The following ARFGAP2 variants were observed in gnomAD, a reference collection of about 807,000 sequenced individuals.
ARFGAP2 encodes the protein ADP-ribosylation factor GTPase-activating protein 2.
In ARFGAP2, 45 loss-of-function variants were observed where a neutral mutation model predicts 71.9. The observed-to-expected ratio is 0.63, with a 90% CI of 0.49 to 0.80. ARFGAP2 has a LOEUF of 0.80. Ranked by LOEUF, ARFGAP2 falls within the 30% of genes least tolerant of loss-of-function variation. The pLI, the probability that ARFGAP2 is intolerant of heterozygous loss-of-function variation, is 0.00. For synonymous variants in ARFGAP2, 248 were observed against 249.2 expected (o/e 1.00, Z 0.05); for missense variants, 633 against 673.9 (o/e 0.94, Z 0.67).
chr11:47,176,014 G>T, intron 2 of ARFGAP2, 91 bp from the exon 3 acceptor site: 2 of 1,311,030 alleles, frequency 1.5e-6, no homozygotes, highest in Non-Finnish European at 1.1e-6. Context: ...TCAGGCTGCT[G>T]TAGGCACCCA....
rs765982865 is a variant in ARFGAP2, at chr11:47,165,445, GC to G, written c.*36del. 6.4e-7 allele frequency: 1 copy of G among 1,567,778 alleles called. No individual in the cohort carries two copies. Among genetic ancestry groups the G allele is most frequent in the African/African-American group, 1.4e-5 (1 of 72,112 alleles). On this transcript the variant is annotated 3_prime_UTR_variant, in exon 16 of 16. Coordinates refer to ENST00000524782, the MANE Select transcript of ARFGAP2 (RefSeq NM_032389.6). ...GCCTGGGAACTGTGGAGTTCTTGTT[GC>G]CGTCACCATCGTAAGCCTGAGTCAC...
intron 10 of ARFGAP2, among the ~76,000 whole-genome samples, chr11:47,169,953 G>A (rs1952529350): frequency 6.6e-6 from 1 of 152,186 alleles, no homozygotes; most frequent in African/African-American, 2.4e-5. Flanking sequence ...ATTCCTATGT[G>A]ACTGAAGCAG....
At position 47,175,006 on chromosome 11, in the gene ARFGAP2, G is replaced by A. The variant is rs1206871420; in HGVS notation, c.480+9C>T. ...ACAACTGGGAAAACGGTTCCTTGTG[G>A]GCACTCACTTGAGTGTGTTCTGTGA... On this transcript the variant is annotated intron_variant, in intron 5 of 15. Coordinates refer to ENST00000524782, the MANE Select transcript of ARFGAP2 (RefSeq NM_032389.6). 2.5e-6 allele frequency: 4 copies of A among 1,613,946 alleles called. No individual in the cohort carries two copies. The highest frequency in any genetic ancestry group is 3.4e-6 in the Non-Finnish European group (4 of 1,179,892).
At chr11:47,176,317 C>G in intron 2 of ARFGAP2, 199 bp downstream of exon 2, 2 of 609,972 alleles carry the variant, frequency 3.3e-6, no homozygotes, top group Middle Eastern at 4.4e-4. Context: ...AAGTTTTGGC[C>G]CAGAGGCGGA....
intron 7 of ARFGAP2, chr11:47,172,579 C>G (rs896940595): frequency 5.1e-6 from 6 of 1,179,026 alleles, no homozygotes; most frequent in African/African-American, 1.5e-5. Context: ...GTCCGAAGCA[C>G]CAGAGACGTC....
intron 5 of ARFGAP2, 48 bp downstream of exon 5, chr11:47,174,967 A>AT (rs1302926805): frequency 1.3e-6 from 2 of 1,596,622 alleles, no homozygotes; most frequent in African/African-American, 2.7e-5. Flanking sequence ...GCCTTGGTAA[A>AT]TTGCCTGTCA....
intron 1 of ARFGAP2, 65 bp from the exon 2 acceptor site, chr11:47,176,699 C>G: frequency 6.2e-7 from 1 of 1,611,496 alleles, no homozygotes; most frequent in Non-Finnish European, 8.5e-7. Context: ...ACCGACACCC[C>G]AGAAACATAA....
Position 47,171,657 on chromosome 11 carries a change from CACTT to C in ARFGAP2, c.809+3_809+6del, listed in dbSNP as rs1172466231. The stretch of plus-strand genomic sequence containing the variant: ...AGAAGCCTGAGGCCCCGGCAGCAAA[CACTT>C]ACATGGACTCCTCCGCCTGCTTCTT... On this transcript the variant is annotated splice_donor_5th_base_variant and intron_variant, in intron 9 of 15. Coordinates refer to ENST00000524782, the MANE Select transcript of ARFGAP2 (RefSeq NM_032389.6). 1 of 1,613,730 alleles carries C rather than the reference CACTT, an allele frequency of 6.2e-7. No individual in the cohort carries two copies. The highest frequency in any genetic ancestry group is 8.5e-7 in the Non-Finnish European group (1 of 1,180,050).
At chr11:47,166,475 C>T in intron 14 of ARFGAP2, 31 bp downstream of exon 14, 2 of 1,612,676 alleles carry the variant, frequency 1.2e-6, no homozygotes, top group South Asian at 1.1e-5. Flanking sequence ...CCAGGCCTCA[C>T]TTGGTGCCTG....
intron 5 of ARFGAP2, chr11:47,174,416 T>G (rs1952718682): frequency 7.8e-6 from 1 of 128,192 alleles, no homozygotes; most frequent in Non-Finnish European, 1.6e-5. Flanking sequence ...TGAGACGGAG[T>G]CTCGCTCTGT....
chr11:47,172,338 G>A lies in ARFGAP2; in HGVS notation c.620-5C>T, dbSNP rs775287624. Reference sequence around the variant, plus strand: ...CAATGATGGAGCTTTTCAGTTCTGCGTGAGAAACGGGTAGGCATGAGCTAA... The same window carrying A: ...CAATGATGGAGCTTTTCAGTTCTGCATGAGAAACGGGTAGGCATGAGCTAA... On this transcript the variant is annotated splice_polypyrimidine_tract_variant and splice_region_variant and intron_variant, in intron 7 of 15. Coordinates refer to ENST00000524782, the MANE Select transcript of ARFGAP2 (RefSeq NM_032389.6). 151 of 1,613,982 alleles carry A rather than the reference G, an allele frequency of 9.4e-5. No homozygotes were observed. The highest frequency in any genetic ancestry group is 1.1e-4 in the Non-Finnish European group (134 of 1,180,018).
At position 47,175,056 on chromosome 11, in the gene ARFGAP2, G is replaced by C; in HGVS notation, c.439C>G (p.Pro147Ala). Reference protein sequence around the residue: ...NMSSAVPNHSPEKKDSDFFTE... With the variant: ...NMSSAVPNHSAEKKDSDFFTE... ...AAGAAATCAGAGTCCTTCTTCTCTGGGGAGTGATTAGGAACGGCACTACTC... is the reference window on the plus strand; with the variant it reads ...AAGAAATCAGAGTCCTTCTTCTCTGCGGAGTGATTAGGAACGGCACTACTC... Residue 147 changes from proline to alanine, a missense_variant, in exon 5 of 16, where the codon CCA (proline) becomes GCA (alanine). Pro to Ala is a conservative substitution (Grantham distance 27, BLOSUM62 -1). Coordinates refer to ENST00000524782, the MANE Select transcript of ARFGAP2 (RefSeq NM_032389.6). 1 of 1,614,166 alleles carries C rather than the reference G, an allele frequency of 6.2e-7. No individual in the cohort carries two copies. The highest frequency in any genetic ancestry group is 1.7e-5 in the Admixed American group (1 of 60,024).
At chr11:47,166,126 T>G (rs1443733971) in intron 15 of ARFGAP2, 142 bp downstream of exon 15, 2 of 797,958 alleles carry the variant, frequency 2.5e-6, no homozygotes, top group Admixed American at 2.0e-5. Context: ...AGCCTCCCAG[T>G]GCTGGGATTA....
Position 47,171,794 on chromosome 11 carries a change from C to T in ARFGAP2, c.679G>A (p.Ala227Thr), listed in dbSNP as rs1332481184. 4.3e-6 allele frequency: 7 copies of T among 1,613,662 alleles called. No homozygotes were observed. Among genetic ancestry groups the T allele is most frequent in the East Asian group, 2.2e-5 (1 of 44,886 alleles). ...KPAAAKKGLG[A>T]KKGLGAQKVS... ...TTCTGGGCCCCTAGGCCTTTCTTGG[C>T]ACCCAGCTGGGAACAGAATCATGTA... Residue 227 changes from alanine (A) to threonine (T), a missense_variant, in exon 9 of 16, where the codon GCC (alanine) becomes ACC (threonine). Physicochemically the swap from Ala to Thr is moderately conservative, Grantham distance 58. Transcript: ENST00000524782.
Position 47,164,438 on chromosome 11 carries a change from G to A in ARFGAP2, c.*1044C>T, listed in dbSNP as rs184848318. 3.3e-6 allele frequency: 2 copies of A among 608,300 alleles called. No homozygotes were observed. Among genetic ancestry groups the A allele is most frequent in the East Asian group, 7.2e-5 (2 of 27,918 alleles). 37.7% of individuals were successfully genotyped at this position (608,300 alleles called of 1,614,324 possible). On this transcript the variant is annotated 3_prime_UTR_variant, in exon 16 of 16. Transcript: ENST00000524782. ...GGGAAGAGTGGTCTGTGTTGCTTGG[G>A]AGCCCAACCTACAACCCAAAGGTGG...
rs1488364262 is a variant in ARFGAP2, at chr11:47,172,307, T to G, written c.646A>C (p.Lys216Gln). The G allele has an allele frequency of 3.1e-6, 5 of 1,614,060 alleles. No individual in the cohort carries two copies. The highest frequency in any genetic ancestry group is 1.6e-4 in the Middle Eastern group (1 of 6,084). Residue 216 changes from lysine to glutamine, a missense_variant, in exon 8 of 16, where the codon AAG becomes CAG. Lys to Gln is a moderately conservative substitution (Grantham distance 53, BLOSUM62 1). Coordinates refer to ENST00000524782, the MANE Select transcript of ARFGAP2 (RefSeq NM_032389.6). ...LELKSSIIGK[K>Q]KPAAAKKGLG... ...CCTTTCTTAGCTGCTGCTGGCTTCT[T>G]CTTGCCAATGATGGAGCTTTTCAGT...
chr11:47,171,387 C>A, intron 10 of ARFGAP2, 39 bp downstream of exon 10: 5 of 1,609,800 alleles, frequency 3.1e-6, no homozygotes, highest in Non-Finnish European at 4.2e-6. Flanking sequence ...TCCCAGAAAA[C>A]AACGGCATTT....
In ARFGAP2 at chr11:47,176,654, A is replaced by G. The variant is rs1441943463; in HGVS notation, c.73-20T>C. The G allele has an allele frequency of 1.2e-6, 2 of 1,613,694 alleles. No homozygotes were observed. Among genetic ancestry groups the G allele is most frequent in the Non-Finnish European group, 1.7e-6 (2 of 1,179,832 alleles). On this transcript the variant is annotated intron_variant, in intron 1 of 15. Transcript: ENST00000524782. ...ACAGGCCTGGGTGGAGGCGGCGATG[A>G]GCGAATCGTCAGGGGCCCCGAGTAA...
chr11:47,169,384 C>T (rs1293394993), intron 10 of ARFGAP2: 1 of 152,086 alleles, frequency 6.6e-6, no homozygotes, highest in Non-Finnish European at 1.5e-5. Flanking sequence ...ATTGCTGTCT[C>T]GTTTCTCAAA....
Sources: allele counts gnomAD v4.1 joint callset (sites outside exome capture counted in the v4.1 genomes callset), GRCh38; gene constraint gnomAD v4.1.1; transcripts MANE v1.5; gene names NCBI Gene and HGNC (gene_info 2026-07-23, HGNC 2026-07-21).